The following PRKD1 variants were observed in gnomAD, a reference collection of about 807,000 sequenced individuals.
The protein encoded by PRKD1 is protein kinase D1, also known as serine/threonine-protein kinase D1.
In PRKD1, 63 loss-of-function variants were observed where a neutral mutation model predicts 95.9. That is an observed-to-expected ratio of 0.66 (90% CI 0.54 to 0.81). PRKD1 has a LOEUF of 0.81. Among genes scored for constraint, PRKD1 ranks in the 30% least tolerant of loss-of-function variants. The probability of loss-of-function intolerance (pLI) is 0.00; values close to 1 mark genes in which losing one functional copy is unlikely to be tolerated. For synonymous variants in PRKD1, 425 were observed against 423.1 expected, an observed-to-expected ratio of 1.00 and a Z score of -0.05; for missense variants, 1,048 against 1,165.3, an observed-to-expected ratio of 0.90 and a Z score of 1.47.
At chr14:29,869,325 C>T (rs976821100) in intron 1 of PRKD1, among the ~76,000 whole-genome samples, 1 of 151,804 alleles carries the variant, frequency 6.6e-6, no homozygotes, top group African/African-American at 2.4e-5. Context: ...TGCCTGTAAT[C>T]CCAACTACTC....
At chr14:29,742,628 G>GA (rs1420858702) in intron 1 of PRKD1, among the ~76,000 whole-genome samples, 7 of 151,572 alleles carry the variant, frequency 4.6e-5, no homozygotes, top group Non-Finnish European at 8.8e-5. Flanking sequence ...AGATATTGAG[G>GA]AAAAAATCTA....
At chr14:29,826,966 T>A (rs1891222045) in intron 1 of PRKD1, among the ~76,000 whole-genome samples, 1 of 146,844 alleles carries the variant, frequency 6.8e-6, no homozygotes, top group Admixed American at 6.9e-5. Context: ...CTAAGTGAAG[T>A]AACTCAGGAA....
chr14:29,586,426 T>A (rs1892930755), intron 16 of PRKD1, among the ~76,000 whole-genome samples: 1 of 152,154 alleles, frequency 6.6e-6, no homozygotes, highest in African/African-American at 2.4e-5. Flanking sequence ...TCTATTTAGG[T>A]CCTTCTCTCT....
At chr14:29,685,566 G>A (rs1883810140) in intron 2 of PRKD1, among the ~76,000 whole-genome samples, 2 of 152,150 alleles carry the variant, frequency 1.3e-5, no homozygotes, top group South Asian at 4.1e-4. Flanking sequence ...CAAAAATGGG[G>A]ATGGTTAAAA....
At chr14:29,732,593 T>C (rs868167601) in intron 1 of PRKD1, among the ~76,000 whole-genome samples, 13 of 152,172 alleles carry the variant, frequency 8.5e-5, no homozygotes, top group East Asian at 1.9e-4. Context: ...AGGTTTCACA[T>C]GGTATCACTT....
At chr14:29,823,787 A>G (rs998490100) in intron 1 of PRKD1, among the ~76,000 whole-genome samples, 2 of 152,220 alleles carry the variant, frequency 1.3e-5, no homozygotes, top group Non-Finnish European at 2.9e-5. Context: ...TAAAAATTCC[A>G]AAATATTACA....
intron 8 of PRKD1, among the ~76,000 whole-genome samples, chr14:29,633,364 G>A (rs1252929688): frequency 6.6e-6 from 1 of 152,194 alleles, no homozygotes; most frequent in Admixed American, 6.6e-5. Flanking sequence ...GAAATCCCAT[G>A]CTGATGGAGC....
chr14:29,711,247 A>G lies in PRKD1; in HGVS notation c.403+14289T>C, dbSNP rs115725025. 8.9e-3 allele frequency among the ~76,000 whole-genome samples: 1,360 copies of G among 152,274 alleles called. 17 individuals carry two copies. The highest frequency in any genetic ancestry group is 0.031 in the African/African-American group (1,304 of 41,566). On this transcript the variant is annotated intron_variant, in intron 2 of 17. Transcript: ENST00000331968. Reference sequence around the variant, plus strand: ...ATGTTATAACATGTTAGAAAGTCCAATGTATTCTAAAGAGTAAGAGAGGCC... The same window carrying G: ...ATGTTATAACATGTTAGAAAGTCCAGTGTATTCTAAAGAGTAAGAGAGGCC...
chr14:29,667,213 C>T (rs545061423), intron 2 of PRKD1, among the ~76,000 whole-genome samples: 5 of 152,148 alleles, frequency 3.3e-5, no homozygotes, highest in South Asian at 2.1e-4. Flanking sequence ...TGACCTTTAC[C>T]GGAGTGACAT....
At chr14:29,838,826 T>G (rs1021370112) in intron 1 of PRKD1, among the ~76,000 whole-genome samples, 9 of 152,180 alleles carry the variant, frequency 5.9e-5, no homozygotes, top group Non-Finnish European at 1.2e-4. Flanking sequence ...AGGATCTAGT[T>G]TGAGGCACTA....
intron 16 of PRKD1, among the ~76,000 whole-genome samples, chr14:29,590,812 A>G (rs1893099938): frequency 6.6e-6 from 1 of 152,066 alleles, no homozygotes; most frequent in Non-Finnish European, 1.5e-5. Flanking sequence ...ATTTTTTGAG[A>G]CAGAGTCTGG....
chr14:29,696,914 T>G (rs1884549449), intron 2 of PRKD1, among the ~76,000 whole-genome samples: 2 of 152,048 alleles, frequency 1.3e-5, no homozygotes, highest in South Asian at 4.1e-4. Flanking sequence ...ACAGAGGAAT[T>G]CAAGAACCAT....
intron 2 of PRKD1, among the ~76,000 whole-genome samples, chr14:29,708,864 AAAAC>A (rs1344331845): frequency 6.6e-6 from 1 of 152,188 alleles, no homozygotes; most frequent in African/African-American, 2.4e-5. Flanking sequence ...CCCTGTCTCA[AAAAC>A]AAACAAACAA....
At chr14:29,816,109 T>A (rs1403171038) in intron 1 of PRKD1, among the ~76,000 whole-genome samples, 1 of 152,092 alleles carries the variant, frequency 6.6e-6, no homozygotes, top group Non-Finnish European at 1.5e-5. Flanking sequence ...TCCCAGCTAC[T>A]CAGGAGACTG....
chr14:29,816,663 G>A (rs1330655676), intron 1 of PRKD1, among the ~76,000 whole-genome samples: 1 of 152,114 alleles, frequency 6.6e-6, no homozygotes, highest in Non-Finnish European at 1.5e-5. Context: ...ATCACCAGAA[G>A]TTCACATTTA....
intron 1 of PRKD1, among the ~76,000 whole-genome samples, chr14:29,827,358 C>T (rs1292923157): frequency 6.6e-6 from 1 of 152,042 alleles, no homozygotes; most frequent in Non-Finnish European, 1.5e-5. Flanking sequence ...TCTTTTGCAA[C>T]AGCAACAGCA....
intron 2 of PRKD1, among the ~76,000 whole-genome samples, chr14:29,700,986 G>GCACACACACACACACACACACACACA (rs779729017): frequency 1.1e-3 from 60 of 52,328 alleles, no homozygotes; most frequent in African/African-American, 3.6e-3. Context: ...GCGCGCGCGC[G>GCACACACACACACACACACACACACA]CGCACACACA....
chr14:29,606,482 A>G (rs1341122485), intron 13 of PRKD1, among the ~76,000 whole-genome samples: 3 of 152,164 alleles, frequency 2.0e-5, no homozygotes, highest in Non-Finnish European at 2.9e-5. Context: ...GTGTTTTTGT[A>G]AAGATTTCAA....
chr14:29,719,154 T>G (rs1238169662), intron 2 of PRKD1, among the ~76,000 whole-genome samples: 49 of 152,290 alleles, frequency 3.2e-4, no homozygotes, highest in Non-Finnish European at 2.9e-5. Flanking sequence ...AACATGCTTA[T>G]AAGGATTTCT....
Sources: gnomAD v4.1 joint callset for allele counts (sites outside exome capture counted in the v4.1 genomes callset) on GRCh38, gnomAD v4.1.1 for gene constraint, MANE v1.5 for transcripts, NCBI Gene and HGNC (gene_info 2026-07-23, HGNC 2026-07-21) for gene names.